RPS6KA5: variants seen among roughly 807,000 people sequenced by gnomAD.
RPS6KA5 encodes ribosomal protein S6 kinase A5.
Under a neutral mutation model 85.5 loss-of-function variants are expected in RPS6KA5, and 27 were observed. The ratio of observed to expected loss-of-function variants is 0.32; its 90% CI spans 0.23 to 0.44. The LOEUF is 0.44. Among genes scored for constraint, RPS6KA5 ranks in the 20% least tolerant of loss-of-function variants. The pLI is 1.00. For missense variants in RPS6KA5, 811 were observed against 980.9 expected (o/e 0.83, Z 2.31); for synonymous variants, 334 against 348.2 (o/e 0.96, Z 0.46).
chr14:90,875,747 T>C (rs2033420222), intron 14 of RPS6KA5, among the ~76,000 whole-genome samples: 1 of 151,726 alleles, frequency 6.6e-6, no homozygotes, highest in Non-Finnish European at 1.5e-5. Flanking sequence ...TTCATGTCCT[T>C]TGTAGGGACA....
chr14:91,026,619 T>C (rs950466288), intron 1 of RPS6KA5, among the ~76,000 whole-genome samples: 1 of 152,250 alleles, frequency 6.6e-6, no homozygotes, highest in Non-Finnish European at 1.5e-5. Flanking sequence ...GTGATGAACA[T>C]ACAAGTGCAT....
chr14:91,023,225 G>A (rs1009850078), intron 1 of RPS6KA5, among the ~76,000 whole-genome samples: 4 of 151,578 alleles, frequency 2.6e-5, no homozygotes, highest in Non-Finnish European at 2.9e-5. Flanking sequence ...GAAATTCATT[G>A]TCTAGTAGAT....
intron 1 of RPS6KA5, among the ~76,000 whole-genome samples, chr14:91,024,870 T>C (rs1403880731): frequency 6.6e-6 from 1 of 152,184 alleles, no homozygotes; most frequent in Non-Finnish European, 1.5e-5. Flanking sequence ...CTTTTTTTCA[T>C]AGAGCCAATT....
At chr14:91,019,544 C>T (rs1350772437) in intron 1 of RPS6KA5, among the ~76,000 whole-genome samples, 1 of 152,194 alleles carries the variant, frequency 6.6e-6, no homozygotes, top group Non-Finnish European at 1.5e-5. Context: ...TTGGACCTGC[C>T]AGTCTCCATA....
At chr14:90,897,462 T>C (rs1443626606) in intron 12 of RPS6KA5, among the ~76,000 whole-genome samples, 1 of 152,168 alleles carries the variant, frequency 6.6e-6, no homozygotes, top group Non-Finnish European at 1.5e-5. Context: ...ACTATGCTAT[T>C]GCACAAAGGC....
intron 4 of RPS6KA5, 75 bp from the exon 5 acceptor site, chr14:90,943,260 T>C: frequency 1.3e-6 from 1 of 744,536 alleles, no homozygotes; most frequent in Non-Finnish European, 2.1e-6. Flanking sequence ...CTCGTCTACC[T>C]TTATTTATTT....
intron 1 of RPS6KA5, chr14:91,060,031 G>A (rs2043575142): frequency 1.0e-6 from 1 of 985,268 alleles, no homozygotes; most frequent in South Asian, 4.7e-5. Context: ...TGCGGGAAGG[G>A]GGAGCAGCGA....
chr14:90,863,943 T>C lies in RPS6KA5; in HGVS notation c.*8131A>G, dbSNP rs1026882047. The C allele has an allele frequency of 4.6e-5, 7 of 152,202 alleles. No individual in the cohort carries two copies. In the East Asian group the frequency reaches 5.8e-4, roughly 13 times the overall value. The allele number at this position is 152,202 out of a possible 1,614,324, so 9.4% of individuals were successfully genotyped here. On this transcript the variant is annotated 3_prime_UTR_variant, in exon 17 of 17. Coordinates refer to ENST00000614987, the MANE Select transcript of RPS6KA5 (RefSeq NM_004755.4). The stretch of plus-strand genomic sequence containing the variant: ...AGAATAGCCAAAACTATTAGAACTA[T>C]TAGATAAAAGTTAGAGGTCTTACAC...
intron 1 of RPS6KA5, among the ~76,000 whole-genome samples, chr14:91,041,290 C>G (rs985634822): frequency 2.0e-5 from 3 of 152,168 alleles, no homozygotes; most frequent in African/African-American, 7.2e-5. Flanking sequence ...ACTGGGACAA[C>G]AACTTTTTTT....
chr14:90,883,925 G>C (rs925952577), intron 14 of RPS6KA5, among the ~76,000 whole-genome samples: 6 of 152,186 alleles, frequency 3.9e-5, no homozygotes, highest in Non-Finnish European at 7.3e-5. Context: ...ATGCCTGGTA[G>C]CTTTCTAATT....
rs34807092 is a variant in RPS6KA5, at chr14:91,056,867, C to CTTTTTTTTT, written c.103+3456_103+3464dup. Among the ~76,000 whole-genome samples the CTTTTTTTTT allele has an allele frequency of 6.4e-4, 25 of 38,876 alleles. 3 individuals carry two copies. The highest frequency in any genetic ancestry group is 3.0e-3 in the East Asian group (3 of 986). The allele number at this position is 38,876 out of a possible 152,430, so 25.5% of individuals were successfully genotyped here. ...ACTGTTATACTTAAGGCAGTATTAT[C>CTTTTTTTTT]TTTTTTTTTTTTTTTTTTTTTTTTT... On this transcript the variant is annotated intron_variant, in intron 1 of 16. Transcript: ENST00000614987.
At position 90,863,955 on chromosome 14, in the gene RPS6KA5, T is replaced by C. The variant is rs2032693329; in HGVS notation, c.*8119A>G. 6.6e-6 allele frequency: 1 copy of C among 152,234 alleles called. No homozygotes were observed. Among genetic ancestry groups the C allele is most frequent in the African/African-American group, 2.4e-5 (1 of 41,456 alleles). The allele number at this position is 152,234 out of a possible 1,614,324, so 9.4% of individuals were successfully genotyped here. A position where few individuals can be genotyped will look rare whatever the true frequency, so the allele number is the denominator to read the frequency against. On this transcript the variant is annotated 3_prime_UTR_variant, in exon 17 of 17. Transcript: ENST00000614987. The stretch of plus-strand genomic sequence containing the variant: ...ACTATTAGAACTATTAGATAAAAGT[T>C]AGAGGTCTTACACTACCAGATATGA...
intron 16 of RPS6KA5, 123 bp downstream of exon 16, chr14:90,873,503 CTAAAAG>C (rs2033253349): frequency 3.5e-6 from 3 of 865,898 alleles, no homozygotes; most frequent in Non-Finnish European, 5.1e-6. Context: ...AAAAACATAC[CTAAAAG>C]TAAAAGGACA....
chr14:90,991,284 C>A (rs1004866985), intron 2 of RPS6KA5, among the ~76,000 whole-genome samples: 6 of 152,114 alleles, frequency 3.9e-5, no homozygotes, highest in Admixed American at 3.3e-4. Context: ...GGTTAAGACA[C>A]CCCTTGAAAG....
chr14:90,977,243 T>C lies in RPS6KA5; in HGVS notation c.394+1063A>G, dbSNP rs534928362. ...GCTCATTTAATCCTTACCATAATTC[T>C]AGGAGAGAGTTATATCACATACATG... On this transcript the variant is annotated intron_variant, in intron 3 of 16. Coordinates refer to ENST00000614987, the MANE Select transcript of RPS6KA5 (RefSeq NM_004755.4). Among the ~76,000 whole-genome samples the C allele has an allele frequency of 2.6e-5, 4 of 152,306 alleles. No homozygotes were observed. The South Asian group carries it at 6.2e-4, about 24-fold the overall frequency.
At chr14:90,985,309 ACAAT>A (rs2040012310) in intron 2 of RPS6KA5, among the ~76,000 whole-genome samples, 2 of 152,242 alleles carry the variant, frequency 1.3e-5, no homozygotes, top group South Asian at 4.1e-4. Flanking sequence ...ATTTGTAAAA[ACAAT>A]CAATTTAAAA....
At chr14:90,933,746 C>A (rs1460340535) in intron 5 of RPS6KA5, among the ~76,000 whole-genome samples, 1 of 152,200 alleles carries the variant, frequency 6.6e-6, no homozygotes, top group Admixed American at 6.5e-5. Flanking sequence ...ATCTTCAATG[C>A]CCTGAGTAAT....
At chr14:90,935,978 T>C (rs1474507477) in intron 5 of RPS6KA5, among the ~76,000 whole-genome samples, 1 of 152,214 alleles carries the variant, frequency 6.6e-6, no homozygotes. Context: ...GTCTTTAAAG[T>C]TGTCAACATT....
intron 3 of RPS6KA5, among the ~76,000 whole-genome samples, chr14:90,957,978 G>GA (rs200737006): frequency 4.1e-4 from 61 of 150,524 alleles, no homozygotes; most frequent in African/African-American, 1.4e-3. Flanking sequence ...CTCTTCCCTA[G>GA]AAAAAAAATA....
Sources: gnomAD v4.1 joint callset for allele counts (sites outside exome capture counted in the v4.1 genomes callset) on GRCh38, gnomAD v4.1.1 for gene constraint, MANE v1.5 for transcripts, NCBI Gene and HGNC (gene_info 2026-07-23, HGNC 2026-07-21) for gene names.